Variants in PPP2R2B observed in about 807,000 individuals in gnomAD.
The protein encoded by PPP2R2B is serine/threonine-protein phosphatase 2A 55 kDa regulatory subunit B beta isoform.
Under a neutral mutation model 46.0 loss-of-function variants are expected in PPP2R2B, and 5 were observed. That is an observed-to-expected ratio of 0.11 (90% CI 0.06 to 0.23). The LOEUF (loss-of-function observed/expected upper bound fraction) is 0.23. Ranked by LOEUF, PPP2R2B falls within the 10% of genes least tolerant of loss-of-function variation. The pLI, the probability that PPP2R2B is intolerant of heterozygous loss-of-function variation, is 1.00. For synonymous variants in PPP2R2B, 215 were observed against 206.7 expected (o/e 1.04, Z -0.34); for missense variants, 367 against 575.0 (o/e 0.64, Z 3.70).
At chr5:147,065,897 A>G (rs1314378826) in intron 2 of PPP2R2B, among the ~76,000 whole-genome samples, 1 of 152,052 alleles carries the variant, frequency 6.6e-6, no homozygotes, top group Non-Finnish European at 1.5e-5. Flanking sequence ...AATGCCAACA[A>G]GCATTATCTC....
At chr5:146,789,417 CAT>C (rs1380039351) in intron 2 of PPP2R2B, among the ~76,000 whole-genome samples, 5 of 152,084 alleles carry the variant, frequency 3.3e-5, no homozygotes, top group Non-Finnish European at 5.9e-5. Context: ...ACATGCTTAA[CAT>C]AGAGAAGCAA....
chr5:146,659,248 T>C (rs1169354417), intron 5 of PPP2R2B, among the ~76,000 whole-genome samples: 1 of 152,212 alleles, frequency 6.6e-6, no homozygotes, highest in Non-Finnish European at 1.5e-5. Flanking sequence ...ACTGCCAATG[T>C]TTAAAATACT....
chr5:146,603,300 T>C (rs560915178), intron 7 of PPP2R2B, among the ~76,000 whole-genome samples: 74 of 152,372 alleles, frequency 4.9e-4, no homozygotes, highest in African/African-American at 1.6e-3. Flanking sequence ...AAAGAATGTT[T>C]ACATTTTCTC....
At position 147,045,154 on chromosome 5, in the gene PPP2R2B, T is replaced by TA. The variant is rs765054420; in HGVS notation, c.79+10510dup. ...GCCTAGAGCCATTTACAACTCTACATAATGTAACAGTAAGGACTGTTTCTA... is the reference window on the plus strand; with the variant it reads ...GCCTAGAGCCATTTACAACTCTACATAAATGTAACAGTAAGGACTGTTTCTA... On this transcript the variant is annotated intron_variant, in intron 1 of 8. Transcript: ENST00000336640. Among the ~76,000 whole-genome samples the TA allele has an allele frequency of 5.6e-4, 86 of 152,324 alleles. 1 individual carries two copies. In the Middle Eastern group the frequency reaches 0.014, roughly 24 times the overall value.
chr5:146,761,726 TA>T (rs1163191493), intron 2 of PPP2R2B, among the ~76,000 whole-genome samples: 1 of 152,238 alleles, frequency 6.6e-6, no homozygotes, highest in Non-Finnish European at 1.5e-5. Context: ...ATTTCTTTTT[TA>T]ACCTCAGTTT....
chr5:146,730,208 T>C (rs916834554), intron 2 of PPP2R2B, among the ~76,000 whole-genome samples: 25 of 152,216 alleles, frequency 1.6e-4, no homozygotes, highest in African/African-American at 6.0e-4. Flanking sequence ...GACACTTGCA[T>C]AGGCTCAGTA....
In PPP2R2B at chr5:146,581,811, G is replaced by A. The variant is rs901245953; in HGVS notation, c.*8136C>T. Reference sequence around the variant, plus strand: ...TTTGCTGTTCTCTTTATATATTCAGGCTGAGTCTTCATAAGCCACCTGCAT... The same window carrying A: ...TTTGCTGTTCTCTTTATATATTCAGACTGAGTCTTCATAAGCCACCTGCAT... On this transcript the variant is annotated 3_prime_UTR_variant, in exon 10 of 10. Transcript: ENST00000394411. 3 of 152,102 alleles carry A rather than the reference G, an allele frequency of 2.0e-5. No homozygotes were observed. Among genetic ancestry groups the A allele is most frequent in the Non-Finnish European group, 4.4e-5 (3 of 68,012 alleles). The allele number at this position is 152,102 out of a possible 1,614,324, so 9.4% of individuals were successfully genotyped here.
chr5:146,709,052 G>T (rs897173968), intron 2 of PPP2R2B, among the ~76,000 whole-genome samples: 1 of 152,170 alleles, frequency 6.6e-6, no homozygotes, highest in South Asian at 2.1e-4. Context: ...TGTGTAATAC[G>T]TTCTGTTTGA....
At chr5:146,653,846 G>C (rs1036463816) in intron 5 of PPP2R2B, among the ~76,000 whole-genome samples, 9 of 152,076 alleles carry the variant, frequency 5.9e-5, no homozygotes, top group African/African-American at 2.2e-4. Context: ...AGATAAGACA[G>C]GGGGGATGGA....
Position 146,887,802 on chromosome 5 carries a change from C to T in PPP2R2B, c.79+167863G>A, listed in dbSNP as rs938040718. ...CTGGGCATCTGGACACTATTATAAC[C>T]AATGAAGGTGGAGAAATTTAAAGGT... On this transcript the variant is annotated intron_variant, in intron 1 of 8. Coordinates refer to the PPP2R2B transcript ENST00000336640. 8.5e-5 allele frequency among the ~76,000 whole-genome samples: 13 copies of T among 152,052 alleles called. 1 individual carries two copies. The highest frequency in any genetic ancestry group is 2.2e-4 in the African/African-American group (9 of 41,384).
intron 1 of PPP2R2B, among the ~76,000 whole-genome samples, chr5:146,964,548 C>T (rs928938125): frequency 2.6e-5 from 4 of 151,860 alleles, no homozygotes; most frequent in African/African-American, 7.3e-5. Context: ...TATTTTTATA[C>T]GGAGTCTTGC....
At chr5:146,637,558 T>C (rs148643546) in intron 7 of PPP2R2B, among the ~76,000 whole-genome samples, 792 of 152,342 alleles carry the variant, frequency 5.2e-3, no homozygotes, top group Non-Finnish European at 8.6e-3. Context: ...CTGCCTTCCA[T>C]CTGAACAATT....
At chr5:146,968,245 T>C (rs1449060082) in intron 1 of PPP2R2B, among the ~76,000 whole-genome samples, 1 of 152,198 alleles carries the variant, frequency 6.6e-6, no homozygotes, top group Non-Finnish European at 1.5e-5. Flanking sequence ...TCCAAATAAA[T>C]AGGCAGTGAT....
chr5:146,769,343 T>A (rs893146214), intron 2 of PPP2R2B, among the ~76,000 whole-genome samples: 1 of 152,182 alleles, frequency 6.6e-6, no homozygotes, highest in African/African-American at 2.4e-5. Flanking sequence ...AACTCTGGGG[T>A]GTGGCAAATC....
chr5:146,752,106 A>G (rs1278934912), intron 2 of PPP2R2B, among the ~76,000 whole-genome samples: 1 of 152,100 alleles, frequency 6.6e-6, no homozygotes, highest in East Asian at 1.9e-4. Flanking sequence ...TTACAAGTTT[A>G]TTAGAAAAGT....
intron 7 of PPP2R2B, among the ~76,000 whole-genome samples, chr5:146,632,065 C>T (rs944729865): frequency 2.5e-5 from 3 of 121,422 alleles, no homozygotes; most frequent in Non-Finnish European, 3.4e-5. Context: ...AGTTGTGCCC[C>T]CCCCCCCGCC....
chr5:146,782,522 C>T (rs1358233801), intron 2 of PPP2R2B, among the ~76,000 whole-genome samples: 1 of 152,176 alleles, frequency 6.6e-6, no homozygotes, highest in East Asian at 1.9e-4. Flanking sequence ...TGAGTGATGA[C>T]TACCTGATTC....
intron 2 of PPP2R2B, among the ~76,000 whole-genome samples, chr5:147,069,009 C>A (rs567203521): frequency 6.6e-6 from 1 of 152,130 alleles, no homozygotes; most frequent in Admixed American, 6.5e-5. Context: ...GGAAATATCA[C>A]CCACAGTAAA....
chr5:146,661,413 G>C (rs1299556054), intron 5 of PPP2R2B, among the ~76,000 whole-genome samples: 1 of 151,490 alleles, frequency 6.6e-6, no homozygotes, highest in Non-Finnish European at 1.5e-5. Context: ...AAGACGTTTT[G>C]GATTAAAAGG....
Sources: gnomAD v4.1 joint callset for allele counts (sites outside exome capture counted in the v4.1 genomes callset) on GRCh38, gnomAD v4.1.1 for gene constraint, MANE v1.5 for transcripts, NCBI Gene and HGNC (gene_info 2026-07-23, HGNC 2026-07-21) for gene names.